Variants in LRRC7 observed in about 807,000 individuals in gnomAD.
LRRC7 encodes leucine-rich repeat-containing protein 7.
In LRRC7, 23 loss-of-function variants were observed where a neutral mutation model predicts 175.7. The ratio of observed to expected loss-of-function variants is 0.13; its 90% CI spans 0.09 to 0.19. LRRC7 has a LOEUF of 0.19. Ranked by LOEUF, LRRC7 falls within the 10% of genes least tolerant of loss-of-function variation. LRRC7 has a pLI of 1.00. For missense variants in LRRC7, 1,354 were observed against 1,904.7 expected, an observed-to-expected ratio of 0.71 and a Z score of 5.38; for synonymous variants, 685 against 680.9, an observed-to-expected ratio of 1.01 and a Z score of -0.09.
At chr1:69,833,141 G>C (rs1456292222) in intron 5 of LRRC7, among the ~76,000 whole-genome samples, 1 of 151,902 alleles carries the variant, frequency 6.6e-6, no homozygotes, top group African/African-American at 2.4e-5. Flanking sequence ...ATGTTCATTA[G>C]AAGGAAAATG....
At chr1:69,905,790 G>A (rs537560729) in intron 7 of LRRC7, among the ~76,000 whole-genome samples, 4 of 152,144 alleles carry the variant, frequency 2.6e-5, no homozygotes, top group East Asian at 1.9e-4. Context: ...GGATGGCTGG[G>A]TCAAATGGTA....
At chr1:69,572,745 T>C (rs1645787739) in intron 1 of LRRC7, among the ~76,000 whole-genome samples, 1 of 152,112 alleles carries the variant, frequency 6.6e-6, no homozygotes, top group African/African-American at 2.4e-5. Context: ...ATAATTACTA[T>C]TTTATAACTG....
chr1:69,765,041 C>T (rs1319026211), intron 3 of LRRC7, among the ~76,000 whole-genome samples: 3 of 151,968 alleles, frequency 2.0e-5, no homozygotes, highest in Non-Finnish European at 2.9e-5. Flanking sequence ...ATTCCCTGGT[C>T]CATAAAATGT....
intron 7 of LRRC7, among the ~76,000 whole-genome samples, chr1:69,881,348 C>A (rs1033926313): frequency 3.9e-5 from 6 of 152,078 alleles, no homozygotes; most frequent in Non-Finnish European, 7.4e-5. Context: ...AAACTATTTC[C>A]AATATTATTC....
intron 1 of LRRC7, among the ~76,000 whole-genome samples, chr1:69,662,635 A>G (rs938523799): frequency 6.6e-6 from 1 of 152,206 alleles, no homozygotes; most frequent in Non-Finnish European, 1.5e-5. Context: ...TTCTTTTCAC[A>G]CTAATCTTGC....
At chr1:69,943,624 A>G (rs948434972) in intron 8 of LRRC7, among the ~76,000 whole-genome samples, 3 of 152,056 alleles carry the variant, frequency 2.0e-5, no homozygotes, top group Non-Finnish European at 4.4e-5. Context: ...ATCTTATAAA[A>G]TAAAACAATC....
Position 70,028,391 on chromosome 1 carries a change from A to T in LRRC7, c.1995+20A>T. ...GTGGAGGTATTTGAAGGTTATTGGT[A>T]ATTGCCAGTGTGGTTTGGATTTTTT... On this transcript the variant is annotated intron_variant, in intron 18 of 26. Transcript: ENST00000651989. The T allele has an allele frequency of 6.2e-7, 1 of 1,606,944 alleles. No homozygotes were observed. Among genetic ancestry groups the T allele is most frequent in the Non-Finnish European group, 8.5e-7 (1 of 1,174,930 alleles).
chr1:69,734,981 A>G (rs921179106), intron 2 of LRRC7, among the ~76,000 whole-genome samples: 3 of 146,898 alleles, frequency 2.0e-5, no homozygotes, highest in Non-Finnish European at 3.0e-5. Flanking sequence ...TAAAAATAGG[A>G]AAAAAAAACC....
intron 7 of LRRC7, among the ~76,000 whole-genome samples, chr1:69,928,676 G>A (rs2101762777): frequency 6.6e-6 from 1 of 152,320 alleles, no homozygotes; most frequent in African/African-American, 2.4e-5. Context: ...CAGTATTAGG[G>A]TGGGAGTGAC....
intron 2 of LRRC7, among the ~76,000 whole-genome samples, chr1:69,757,704 T>C (rs1290231478): frequency 6.6e-6 from 1 of 151,934 alleles, no homozygotes; most frequent in African/African-American, 2.4e-5. Context: ...TGTGCAATGA[T>C]AGCAACACAG....
chr1:69,826,484 G>A (rs1324557482), intron 5 of LRRC7, among the ~76,000 whole-genome samples: 1 of 152,064 alleles, frequency 6.6e-6, no homozygotes, highest in Non-Finnish European at 1.5e-5. Context: ...GAATCAAGTA[G>A]GTCAGGAAGC....
At chr1:69,929,322 T>C (rs1570699200) in intron 7 of LRRC7, among the ~76,000 whole-genome samples, 1 of 152,326 alleles carries the variant, frequency 6.6e-6, no homozygotes, top group East Asian at 1.9e-4. Context: ...ACATCTCTAG[T>C]TGACTCTAGA....
intron 1 of LRRC7, among the ~76,000 whole-genome samples, chr1:69,653,458 GTTTT>G (rs981503423): frequency 6.6e-6 from 1 of 151,700 alleles, no homozygotes; most frequent in Non-Finnish European, 1.5e-5. Context: ...GTCATAATCA[GTTTT>G]TTTAAGTGTT....
At chr1:70,014,063 A>G (rs1423589216) in intron 13 of LRRC7, 1 of 152,064 alleles carries the variant, frequency 6.6e-6, no homozygotes, top group East Asian at 1.9e-4. Flanking sequence ...GTATCAGGTG[A>G]CAAGGAAGCA....
chr1:69,781,745 G>GAA (rs1557719693), intron 3 of LRRC7, among the ~76,000 whole-genome samples: 1 of 40,382 alleles, frequency 2.5e-5, no homozygotes, highest in Non-Finnish European at 4.2e-5. Context: ...GAGAGAGAGA[G>GAA]AGAGAGAGAG....
chr1:69,931,438 G>C (rs373083896), intron 7 of LRRC7, 69 bp from the exon 8 acceptor site: 35 of 1,255,946 alleles, frequency 2.8e-5, no homozygotes, highest in Middle Eastern at 3.7e-4. Context: ...CAGGAAGGTG[G>C]TTGGAATGTC....
chr1:69,904,013 T>G (rs548908755), intron 7 of LRRC7, among the ~76,000 whole-genome samples: 6 of 152,118 alleles, frequency 3.9e-5, no homozygotes, highest in Non-Finnish European at 7.4e-5. Flanking sequence ...CAATAATTAA[T>G]AGCCTACCAA....
intron 2 of LRRC7, among the ~76,000 whole-genome samples, chr1:69,741,672 G>A (rs2100858232): frequency 6.6e-6 from 1 of 152,020 alleles, no homozygotes; most frequent in East Asian, 1.9e-4. Flanking sequence ...CAGAATAGGG[G>A]CAAGCTAAAG....
intron 3 of LRRC7, among the ~76,000 whole-genome samples, chr1:69,763,605 G>A (rs886562681): frequency 2.0e-5 from 3 of 151,946 alleles, no homozygotes; most frequent in African/African-American, 4.8e-5. Context: ...GGTGGAAAGG[G>A]TAAAATGGCT....
Sources: allele counts gnomAD v4.1 joint callset (sites outside exome capture counted in the v4.1 genomes callset), GRCh38; gene constraint gnomAD v4.1.1; transcripts MANE v1.5; gene names NCBI Gene and HGNC (gene_info 2026-07-23, HGNC 2026-07-21).